The following GPHN variants were observed in gnomAD, a reference collection of about 807,000 sequenced individuals.
The protein encoded by GPHN is gephyrin.
GPHN carries 17 observed loss-of-function variants against 95.5 expected under a neutral mutation model. That is an observed-to-expected ratio of 0.18 (90% CI 0.12 to 0.27). The LOEUF is 0.27. GPHN is among the 10% of genes least tolerant of loss of function. The pLI, the probability that GPHN is intolerant of heterozygous loss-of-function variation, is 1.00. For synonymous variants in GPHN, 320 were observed against 322.5 expected, an observed-to-expected ratio of 0.99 and a Z score of 0.08; for missense variants, 660 against 978.1, an observed-to-expected ratio of 0.67 and a Z score of 4.34.
intron 2 of GPHN, among the ~76,000 whole-genome samples, chr14:66,709,630 T>A (rs2069424117): frequency 1.3e-5 from 2 of 152,172 alleles, no homozygotes; most frequent in Admixed American, 1.3e-4. Context: ...TATTTAATAT[T>A]TCAGATCACA....
intron 2 of GPHN, among the ~76,000 whole-genome samples, chr14:66,770,768 TGAG>T (rs1328196908): frequency 6.6e-6 from 1 of 152,142 alleles, no homozygotes; most frequent in African/African-American, 2.4e-5. Flanking sequence ...ATATTAATAT[TGAG>T]AGAAAGTTAT....
intron 3 of GPHN, among the ~76,000 whole-genome samples, chr14:66,785,870 AAC>A (rs1172338860): frequency 6.6e-6 from 1 of 152,134 alleles, no homozygotes; most frequent in Non-Finnish European, 1.5e-5. Flanking sequence ...ATGAAAATAT[AAC>A]ACATCAAAAA....
intron 11 of GPHN, among the ~76,000 whole-genome samples, chr14:67,067,938 G>C (rs1267818738): frequency 6.6e-6 from 1 of 152,176 alleles, no homozygotes; most frequent in South Asian, 2.1e-4. Flanking sequence ...GCCCTGCTTC[G>C]ACTCGCCCTC....
intron 3 of GPHN, among the ~76,000 whole-genome samples, chr14:66,822,566 G>A (rs2061239660): frequency 6.6e-6 from 1 of 152,080 alleles, no homozygotes; most frequent in Non-Finnish European, 1.5e-5. Context: ...TTAATACATG[G>A]TAGGTACTTC....
chr14:66,920,066 AAAAC>A (rs1054458745), intron 6 of GPHN, among the ~76,000 whole-genome samples: 62 of 152,282 alleles, frequency 4.1e-4, no homozygotes, highest in African/African-American at 1.3e-3. Flanking sequence ...ACTCCGTCTC[AAAAC>A]AAACAAACAA....
the GPHN span, among the ~76,000 whole-genome samples, chr14:67,218,747 A>G: frequency 6.6e-6 from 1 of 151,926 alleles, no homozygotes; most frequent in South Asian, 2.1e-4. Flanking sequence ...TGCTTGCCCA[A>G]GGGTATATCA....
the GPHN span, among the ~76,000 whole-genome samples, chr14:67,563,901 CTGTTT>C: frequency 5.1e-5 from 3 of 59,268 alleles, no homozygotes; most frequent in African/African-American, 1.5e-4. Flanking sequence ...GCCCGGCTAA[CTGTTT>C]TTTTTTTTTT....
the GPHN span, chr14:67,312,640 A>C: frequency 6.2e-7 from 1 of 1,613,676 alleles, no homozygotes; most frequent in Non-Finnish European, 8.5e-7. Context: ...TCAGTCAAGA[A>C]GATCCAAACT....
At chr14:66,961,832 TAA>T in intron 8 of GPHN, among the ~76,000 whole-genome samples, 1 of 142,644 alleles carries the variant, frequency 7.0e-6, no homozygotes, top group East Asian at 2.1e-4. Context: ...TAGATTGGCT[TAA>T]CCAACTTAGA....
At chr14:67,265,226 C>G in the GPHN span, among the ~76,000 whole-genome samples, 1 of 152,110 alleles carries the variant, frequency 6.6e-6, no homozygotes, top group Non-Finnish European at 1.5e-5. Flanking sequence ...TTTAGAAATG[C>G]CTTTTATTAT....
At chr14:67,480,334 C>G in the GPHN span, among the ~76,000 whole-genome samples, 1 of 152,138 alleles carries the variant, frequency 6.6e-6, no homozygotes, top group Non-Finnish European at 1.5e-5. Context: ...AATAATAACC[C>G]CACATATGGC....
chr14:67,329,290 A>G, the GPHN span, among the ~76,000 whole-genome samples: 4 of 152,016 alleles, frequency 2.6e-5, no homozygotes, highest in Admixed American at 2.6e-4. Context: ...TCTGTTATTG[A>G]TGTATAGGAA....
chr14:67,542,142 C>G, the GPHN span: 1 of 756,698 alleles, frequency 1.3e-6, no homozygotes, highest in African/African-American at 1.8e-5. Flanking sequence ...AGTTTAAGAC[C>G]AAAGTCCGAG....
At chr14:67,461,657 A>G in the GPHN span, among the ~76,000 whole-genome samples, 1 of 152,162 alleles carries the variant, frequency 6.6e-6, no homozygotes, top group East Asian at 1.9e-4. Context: ...AAGAAAAAAA[A>G]AAAACTAGAA....
chr14:66,740,470 G>A (rs967755349), intron 2 of GPHN, among the ~76,000 whole-genome samples: 1 of 151,512 alleles, frequency 6.6e-6, no homozygotes, highest in African/African-American at 2.4e-5. Flanking sequence ...TGAATACTAG[G>A]GATACAGGTA....
chr14:66,868,404 G>T (rs2063306786), intron 4 of GPHN, among the ~76,000 whole-genome samples: 1 of 151,888 alleles, frequency 6.6e-6, no homozygotes, highest in South Asian at 2.1e-4. Flanking sequence ...TTCTTTACGG[G>T]TTTTTTTAAG....
At chr14:66,684,799 G>C (rs2153399874) in intron 2 of GPHN, among the ~76,000 whole-genome samples, 1 of 151,786 alleles carries the variant, frequency 6.6e-6, no homozygotes, top group Admixed American at 6.6e-5. Context: ...TGTGCACAAA[G>C]TGCAGATTTG....
At chr14:67,496,401 T>TTTTTTTG in the GPHN span, among the ~76,000 whole-genome samples, 1 of 124,478 alleles carries the variant, frequency 8.0e-6, no homozygotes, top group South Asian at 3.1e-4. Context: ...GTTTTTTTTT[T>TTTTTTTG]TTTTTTTTTT....
chr14:66,989,923 T>C (rs748605400), intron 9 of GPHN, among the ~76,000 whole-genome samples: 5 of 152,194 alleles, frequency 3.3e-5, no homozygotes, highest in Non-Finnish European at 7.4e-5. Context: ...TTTTGTTTCA[T>C]GAAAATTTAT....
Sources: gnomAD v4.1 joint callset for allele counts (sites outside exome capture counted in the v4.1 genomes callset) on GRCh38, gnomAD v4.1.1 for gene constraint, MANE v1.5 for transcripts, NCBI Gene and HGNC (gene_info 2026-07-23, HGNC 2026-07-21) for gene names.